The following CACNA2D4 variants were observed in gnomAD, a reference collection of about 807,000 sequenced individuals.
CACNA2D4 encodes calcium voltage-gated channel auxiliary subunit alpha2delta 4.
A neutral mutation model predicts 163.8 loss-of-function variants in CACNA2D4; 157 were observed. The ratio of observed to expected loss-of-function variants is 0.96; its 90% confidence interval spans 0.84 to 1.09. The LOEUF is 1.09. Among genes scored for constraint, CACNA2D4 ranks in the 50% least tolerant of loss-of-function variants. The pLI is 0.00. For synonymous variants in CACNA2D4, 598 were observed against 586.9 expected (o/e 1.02, Z -0.27); for missense variants, 1,410 against 1,479.9 (o/e 0.95, Z 0.78).
chr12:1,849,943 TC>T (rs1332812349), intron 23 of CACNA2D4, among the ~76,000 whole-genome samples: 1 of 152,238 alleles, frequency 6.6e-6, no homozygotes, highest in East Asian at 1.9e-4. Context: ...ATTATGTGGA[TC>T]CACCATGATT....
chr12:1,912,720 C>T (rs887560615), intron 3 of CACNA2D4, among the ~76,000 whole-genome samples: 1 of 152,230 alleles, frequency 6.6e-6, no homozygotes, highest in Non-Finnish European at 1.5e-5. Flanking sequence ...CTGGGTATGG[C>T]CTGGTGACTC....
At chr12:1,810,425 C>T (rs1029567532) in intron 28 of CACNA2D4, 85 bp from the exon 29 acceptor site, 11 of 1,525,158 alleles carry the variant, frequency 7.2e-6, no homozygotes, top group African/African-American at 1.4e-5. Context: ...TGGAAGGCAG[C>T]GTGGGAGCTT....
chr12:1,830,724 C>T (rs1864583525), intron 26 of CACNA2D4, among the ~76,000 whole-genome samples: 1 of 152,216 alleles, frequency 6.6e-6, no homozygotes, highest in Non-Finnish European at 1.5e-5. Flanking sequence ...GGGCGCCCTG[C>T]AGACACTGTG....
At position 1,829,694 on chromosome 12, in the gene CACNA2D4, C is replaced by T. The variant is rs1027281122; in HGVS notation, c.2551+11045G>A. On this transcript the variant is annotated intron_variant, in intron 26 of 37. Transcript: ENST00000382722. The surrounding 1 kb of genome is among the most constrained non-coding windows in gnomAD (Gnocchi z 4.2). ...TCAGACCCAGCTCACAGCCCATCGG[C>T]CCACCCCGACCTGGGACAGCCAGGT... Among the ~76,000 whole-genome samples, 3 of 149,318 alleles carry T rather than the reference C, an allele frequency of 2.0e-5. No homozygotes were observed. Among genetic ancestry groups the T allele is most frequent in the Non-Finnish European group, 3.0e-5 (2 of 67,168 alleles).
rs748328734 is a variant in CACNA2D4 at position 1,884,273 on chromosome 12, G to A, written c.1321C>T (p.Arg441Cys). 3.3e-5 allele frequency: 54 copies of A among 1,612,444 alleles called. No individual in the cohort carries two copies. Among genetic ancestry groups the A allele is most frequent in the South Asian group, 1.0e-4 (9 of 90,372 alleles). The change falls in exon 12 of 38, where the codon CGC becomes TGC. Residue 441 changes from arginine (R) to cysteine (C), a missense_variant. Transcript: ENST00000382722. ...TTGTTGCATGCAATCCACTTCATGC[G>A]GTCAGCAAAAGACACTTCTCTCCCA... The part of the protein sequence containing the change: ...LIGREVSFAD[R>C]MKWIACNNKG...
At chr12:1,884,127 C>A (rs2154449698) in intron 12 of CACNA2D4, 116 bp downstream of exon 12, 1 of 803,102 alleles carries the variant, frequency 1.2e-6, no homozygotes, top group South Asian at 1.6e-5. Context: ...CTTGACATAG[C>A]ACTGCTCCTC....
intron 26 of CACNA2D4, among the ~76,000 whole-genome samples, chr12:1,832,740 T>C (rs1383061172): frequency 3.3e-5 from 5 of 152,230 alleles, no homozygotes; most frequent in Non-Finnish European, 7.3e-5. Context: ...TAGTTTCCAG[T>C]TTACCAATGT....
chr12:1,817,475 C>T (rs958474432), intron 26 of CACNA2D4, among the ~76,000 whole-genome samples: 4 of 152,100 alleles, frequency 2.6e-5, no homozygotes, highest in African/African-American at 9.7e-5. Flanking sequence ...CCTCTCCCCT[C>T]TCCCCTCTCC....
At chr12:1,862,123 C>T (rs1304753235) in intron 18 of CACNA2D4, among the ~76,000 whole-genome samples, 2 of 152,156 alleles carry the variant, frequency 1.3e-5, no homozygotes, top group Non-Finnish European at 2.9e-5. Context: ...CTACGCTCAT[C>T]GATTGATGGA....
At position 1,896,640 on chromosome 12, in the gene CACNA2D4, C is replaced by CAA. The variant is rs1342536545; in HGVS notation, c.782-9572_782-9571insTT. Among the ~76,000 whole-genome samples the CAA allele has an allele frequency of 4.2e-3, 478 of 113,010 alleles. 7 individuals carry two copies. The highest frequency in any genetic ancestry group is 0.017 in the African/African-American group (423 of 24,434). 74.1% of individuals were successfully genotyped at this position (113,010 alleles called of 152,430 possible). ...ACACACACACACACACACACACACA[C>CAA]ACACACACACACACAAAACAGATGC... On this transcript the variant is annotated intron_variant, in intron 6 of 37. Coordinates refer to ENST00000382722, the MANE Select transcript of CACNA2D4 (RefSeq NM_172364.5).
chr12:1,862,185 T>C (rs905676352), intron 18 of CACNA2D4, among the ~76,000 whole-genome samples: 1 of 152,226 alleles, frequency 6.6e-6, no homozygotes, highest in East Asian at 1.9e-4. Flanking sequence ...TGAATAAAGC[T>C]ACCATAAATA....
At chr12:1,893,361 C>CA (rs992180054) in intron 6 of CACNA2D4, among the ~76,000 whole-genome samples, 30 of 151,578 alleles carry the variant, frequency 2.0e-4, no homozygotes, top group African/African-American at 5.8e-4. Flanking sequence ...ACTAAAAATA[C>CA]AAAAAAAATT....
rs1049023818 is a variant in CACNA2D4 at position 1,834,193 on chromosome 12, G to T, written c.2551+6546C>A. The T allele has an allele frequency of 6.1e-6, 9 of 1,486,870 alleles. No individual in the cohort carries two copies. Among genetic ancestry groups the T allele is most frequent in the African/African-American group, 2.8e-5 (2 of 71,098 alleles). The allele number at this position is 1,486,870 out of a possible 1,614,324, so 92.1% of individuals were successfully genotyped here. A position where few individuals can be genotyped will look rare whatever the true frequency, so the allele number is the denominator to read the frequency against. The stretch of plus-strand genomic sequence containing the variant: ...CTACCTTCTGGGGCTTCCGTTTTGG[G>T]GAGCTGGGGATGGGGAGAGGGAGTG... On this transcript the variant is annotated intron_variant, in intron 26 of 37. Coordinates refer to ENST00000382722, the MANE Select transcript of CACNA2D4 (RefSeq NM_172364.5). This position sits in a 1 kb window ranked among gnomAD's most constrained non-coding sequence, Gnocchi z 7.6.
intron 3 of CACNA2D4, 32 bp from the exon 4 acceptor site, chr12:1,909,997 T>C: frequency 6.3e-7 from 1 of 1,598,312 alleles, no homozygotes. Context: ...GTAGGGAGAA[T>C]GGGTAAAAGG....
At chr12:1,808,192 T>C (rs2154445727) in intron 29 of CACNA2D4, among the ~76,000 whole-genome samples, 1 of 152,202 alleles carries the variant, frequency 6.6e-6, no homozygotes, top group African/African-American at 2.4e-5. Flanking sequence ...GCTCTCCAGC[T>C]TCTCTCAAGG....
At chr12:1,851,642 G>GTGTGTGTTTGT (rs777051963) in intron 23 of CACNA2D4, among the ~76,000 whole-genome samples, 2 of 56,224 alleles carry the variant, frequency 3.6e-5, no homozygotes, top group Non-Finnish European at 8.8e-5. Flanking sequence ...TGCTTTTTTT[G>GTGTGTGTTTGT]GTGTGTGTTT....
At chr12:1,890,553 A>T (rs1866255782) in intron 6 of CACNA2D4, among the ~76,000 whole-genome samples, 1 of 152,218 alleles carries the variant, frequency 6.6e-6, no homozygotes, top group Non-Finnish European at 1.5e-5. Context: ...CAAGTGAAGC[A>T]AGCATTCGCC....
At chr12:1,904,654 A>G (rs1338287434) in intron 6 of CACNA2D4, among the ~76,000 whole-genome samples, 1 of 152,082 alleles carries the variant, frequency 6.6e-6, no homozygotes, top group Non-Finnish European at 1.5e-5. Flanking sequence ...ATGTTATTGA[A>G]GTTAAGCTGT....
intron 9 of CACNA2D4, 36 bp from the exon 10 acceptor site, chr12:1,885,112 G>T: frequency 6.5e-7 from 1 of 1,544,848 alleles, no homozygotes; most frequent in Non-Finnish European, 9.0e-7. Flanking sequence ...GCATCAGGGG[G>T]TTGAGTGGGC....
Sources: gnomAD v4.1 joint callset for allele counts (sites outside exome capture counted in the v4.1 genomes callset) on GRCh38, gnomAD v4.1.1 for gene constraint, Gnocchi (gnomAD v3.1) non-coding constraint, MANE v1.5 for transcripts, NCBI Gene and HGNC (gene_info 2026-07-23, HGNC 2026-07-21) for gene names.